Variants in GNA14 observed in about 807,000 individuals in gnomAD.
The protein encoded by GNA14 is G protein subunit alpha 14, also known as guanine nucleotide-binding protein subunit alpha-14.
GNA14 carries 50 observed loss-of-function variants against 42.0 expected under a neutral mutation model. The ratio of observed to expected loss-of-function variants is 1.19; its 90% CI spans 0.95 to 1.51. The LOEUF (loss-of-function observed/expected upper bound fraction) is 1.51, where lower values mean the gene tolerates loss of function less well. Ranked by LOEUF, GNA14 falls within the 40% of genes most tolerant of loss-of-function variation. GNA14 has a pLI of 0.00. For synonymous variants in GNA14, 173 were observed against 163.1 expected (o/e 1.06, Z -0.46); for missense variants, 473 against 446.2 (o/e 1.06, Z -0.54).
In GNA14 at chr9:77,480,752, A is replaced by C. The variant is rs185002662; in HGVS notation, c.310-46230T>G. The stretch of plus-strand genomic sequence containing the variant: ...CTGTTATTGGTCTATTCAGAGATTC[A>C]ACTTCCTCCTGGTTTAGTCTTGGGA... On this transcript the variant is annotated intron_variant, in intron 2 of 6. Transcript: ENST00000341700. 3.3e-3 allele frequency among the ~76,000 whole-genome samples: 497 copies of C among 152,280 alleles called. 2 individuals carry two copies. Among genetic ancestry groups the C allele is most frequent in the African/African-American group, 0.012 (487 of 41,546 alleles).
At chr9:77,536,663 G>A (rs2131773703) in intron 1 of GNA14, among the ~76,000 whole-genome samples, 1 of 152,198 alleles carries the variant, frequency 6.6e-6, no homozygotes, top group African/African-American at 2.4e-5. Flanking sequence ...TTAGTCTCTT[G>A]ATTCGTTAAT....
intron 2 of GNA14, among the ~76,000 whole-genome samples, chr9:77,525,379 T>C (rs1344245594): frequency 5.3e-5 from 8 of 152,146 alleles, no homozygotes; most frequent in Non-Finnish European, 1.5e-5. Flanking sequence ...CATTTTAGCA[T>C]TCAGTTCATC....
At chr9:77,426,381 T>C (rs553158972) in intron 5 of GNA14, among the ~76,000 whole-genome samples, 2 of 152,126 alleles carry the variant, frequency 1.3e-5, no homozygotes, top group Admixed American at 1.3e-4. Context: ...CTCGGCTCAC[T>C]ACAACCTCCA....
intron 2 of GNA14, among the ~76,000 whole-genome samples, chr9:77,442,131 C>T (rs1835746138): frequency 6.6e-6 from 1 of 152,120 alleles, no homozygotes; most frequent in Non-Finnish European, 1.5e-5. Context: ...CAGAAGTCTG[C>T]GAAGCTAAGG....
In GNA14 at chr9:77,506,114, A is replaced by G. The variant is rs142704057; in HGVS notation, c.309+22955T>C. 5.8e-3 allele frequency among the ~76,000 whole-genome samples: 877 copies of G among 151,778 alleles called. 9 individuals are homozygous for G. The highest frequency in any genetic ancestry group is 0.02 in the African/African-American group (820 of 41,378). On this transcript the variant is annotated intron_variant, in intron 2 of 6. Coordinates refer to ENST00000341700, the MANE Select transcript of GNA14 (RefSeq NM_004297.4). ...CCCCATCCTCTACAAAAAAAAAATA[A>G]TTAAATCAACAAATAAAATTAGCCA...
Position 77,524,416 on chromosome 9 carries a change from A to G in GNA14, c.309+4653T>C, listed in dbSNP as rs188232435. 2.2e-3 allele frequency among the ~76,000 whole-genome samples: 329 copies of G among 152,362 alleles called. 2 individuals carry two copies. The highest frequency in any genetic ancestry group is 7.4e-3 in the African/African-American group (307 of 41,590). ...TTAAATTCTCTTCTACATACATAAGAAAATGTTCCCAGCTCTGAAAGAAAC... is the reference window on the plus strand; with the variant it reads ...TTAAATTCTCTTCTACATACATAAGGAAATGTTCCCAGCTCTGAAAGAAAC... On this transcript the variant is annotated intron_variant, in intron 2 of 6. Coordinates refer to ENST00000341700, the MANE Select transcript of GNA14 (RefSeq NM_004297.4).
intron 1 of GNA14, among the ~76,000 whole-genome samples, chr9:77,570,016 C>T (rs1007644388): frequency 1.1e-4 from 16 of 152,056 alleles, no homozygotes; most frequent in Admixed American, 7.2e-4. Context: ...CCGCTTGCCT[C>T]GGCCTCCCAA....
At chr9:77,643,539 G>A (rs1282545708) in intron 1 of GNA14, among the ~76,000 whole-genome samples, 1 of 152,022 alleles carries the variant, frequency 6.6e-6, no homozygotes, top group African/African-American at 2.4e-5. Flanking sequence ...GCACCCAATC[G>A]GTGTTGTCAC....
intron 1 of GNA14, chr9:77,580,262 T>G (rs1242509701): frequency 1.0e-5 from 3 of 291,700 alleles, no homozygotes; most frequent in African/African-American, 4.4e-5. Flanking sequence ...ATAAGCTGAT[T>G]TGGAAGCAAA....
At chr9:77,490,144 G>A (rs538106053) in intron 2 of GNA14, among the ~76,000 whole-genome samples, 4 of 152,304 alleles carry the variant, frequency 2.6e-5, no homozygotes, top group Admixed American at 2.6e-4. Flanking sequence ...TACAATCCCT[G>A]AGCTAGACAT....
At chr9:77,476,974 A>G (rs763889896) in intron 2 of GNA14, among the ~76,000 whole-genome samples, 1 of 152,210 alleles carries the variant, frequency 6.6e-6, no homozygotes, top group Admixed American at 6.5e-5. Context: ...CTTCACAATC[A>G]TTCCACCTTG....
chr9:77,608,013 C>T (rs1488955418), intron 1 of GNA14, among the ~76,000 whole-genome samples: 1 of 152,140 alleles, frequency 6.6e-6, no homozygotes, highest in Non-Finnish European at 1.5e-5. Flanking sequence ...TTCCTCTGGG[C>T]TCCCAAAATT....
At chr9:77,485,537 T>G (rs923197058) in intron 2 of GNA14, among the ~76,000 whole-genome samples, 1 of 152,208 alleles carries the variant, frequency 6.6e-6, no homozygotes, top group African/African-American at 2.4e-5. Context: ...GAATGGTGAA[T>G]CCTTCCCAGA....
At chr9:77,531,695 A>G (rs1169290010) in intron 1 of GNA14, among the ~76,000 whole-genome samples, 1 of 150,276 alleles carries the variant, frequency 6.7e-6, no homozygotes, top group Admixed American at 6.6e-5. Context: ...ATCACTCAAG[A>G]CACACCCAAA....
Position 77,648,136 on chromosome 9 carries a change from C to T in GNA14, c.-343G>A, listed in dbSNP as rs1824391274. On this transcript the variant is annotated 5_prime_UTR_variant, in exon 1 of 7. Transcript: ENST00000341700. ...TGCGCGCGCCCCTTGGCACAGGAGC[C>T]GGACAGCAGTCGGGGGCGCAGACGA... 5.8e-6 allele frequency: 2 copies of T among 343,620 alleles called. No homozygotes were observed. Among genetic ancestry groups the T allele is most frequent in the Non-Finnish European group, 1.1e-5 (2 of 188,174 alleles). 21.3% of individuals were successfully genotyped at this position (343,620 alleles called of 1,614,324 possible). A position where few individuals can be genotyped will look rare whatever the true frequency, so the allele number is the denominator to read the frequency against.
At chr9:77,606,654 G>T (rs1281448286) in intron 1 of GNA14, among the ~76,000 whole-genome samples, 1 of 152,146 alleles carries the variant, frequency 6.6e-6, no homozygotes, top group African/African-American at 2.4e-5. Flanking sequence ...GTTGTAAAGG[G>T]TTTCCTTATT....
At position 77,509,530 on chromosome 9, in the gene GNA14, G is replaced by GAATAC. The variant is rs575828835; in HGVS notation, c.309+19534_309+19538dup. Among the ~76,000 whole-genome samples, 53 of 152,242 alleles carry GAATAC rather than the reference G, an allele frequency of 3.5e-4. No homozygotes were observed. In the East Asian group the frequency reaches 9.1e-3, roughly 26 times the overall value. ...TGAGTTTTCTAAAAAGAGGGAGAAG[G>GAATAC]AATACGTTCCCTCCAGAAAATTACT... is the stretch of plus-strand genomic sequence containing the variant. On this transcript the variant is annotated intron_variant, in intron 2 of 6. Coordinates refer to ENST00000341700, the MANE Select transcript of GNA14 (RefSeq NM_004297.4).
intron 2 of GNA14, among the ~76,000 whole-genome samples, chr9:77,510,397 G>A (rs1266434633): frequency 6.6e-6 from 1 of 152,160 alleles, no homozygotes; most frequent in Admixed American, 6.5e-5. Flanking sequence ...CTGCAGTGGT[G>A]CAATCTCGGC....
intron 1 of GNA14, among the ~76,000 whole-genome samples, chr9:77,544,671 CAAA>C (rs397959672): frequency 2.6e-4 from 15 of 58,568 alleles, no homozygotes; most frequent in Non-Finnish European, 4.3e-4. Flanking sequence ...CACTGCATCT[CAAA>C]AAAAAAAAAA....
Sources: gnomAD v4.1 joint callset for allele counts (sites outside exome capture counted in the v4.1 genomes callset) on GRCh38, gnomAD v4.1.1 for gene constraint, MANE v1.5 for transcripts, NCBI Gene and HGNC (gene_info 2026-07-23, HGNC 2026-07-21) for gene names.